RIN3: variants seen among roughly 807,000 people sequenced by gnomAD.
The protein encoded by RIN3 is RAB5 interacting protein 3.
In RIN3, 54 loss-of-function variants were observed where a neutral mutation model predicts 76.3. The ratio of observed to expected loss-of-function variants is 0.71; its 90% CI spans 0.57 to 0.89. The LOEUF (loss-of-function observed/expected upper bound fraction) is 0.89, where lower values mean the gene tolerates loss of function less well. Ranked by LOEUF, RIN3 falls within the 40% of genes least tolerant of loss-of-function variation. The pLI, the probability that RIN3 is intolerant of heterozygous loss-of-function variation, is 0.00. For synonymous variants in RIN3, 576 were observed against 564.0 expected, an observed-to-expected ratio of 1.02 and a Z score of -0.30; for missense variants, 1,256 against 1,322.1, an observed-to-expected ratio of 0.95 and a Z score of 0.78.
At chr14:92,614,844 C>CTTT (rs71301939) in intron 3 of RIN3, among the ~76,000 whole-genome samples, 22 of 118,196 alleles carry the variant, frequency 1.9e-4, no homozygotes, top group African/African-American at 6.1e-4. Flanking sequence ...TCTGGTATGT[C>CTTT]TTTTTTTTTT....
intron 6 of RIN3, among the ~76,000 whole-genome samples, chr14:92,655,605 C>T (rs1887639944): frequency 6.6e-6 from 1 of 152,232 alleles, no homozygotes; most frequent in Admixed American, 6.5e-5. Context: ...GCCGTCACAC[C>T]TAGTGGGAGC....
intron 7 of RIN3, among the ~76,000 whole-genome samples, chr14:92,663,949 A>G (rs955071778): frequency 2.6e-5 from 4 of 152,156 alleles, no homozygotes; most frequent in African/African-American, 9.7e-5. Context: ...CACTCTTTAA[A>G]TGGGGCTAGG....
rs1897021539 is a variant in RIN3, at chr14:92,537,261, C to G, written c.45-18490C>G. ...GTTGTTTCATATGGTACTAATATTT[C>G]CTACATTGCTTTTGTCCTTCAGCCA... On this transcript the variant is annotated intron_variant, in intron 1 of 9. Transcript: ENST00000216487. Among the ~76,000 whole-genome samples, 2 of 152,092 alleles carry G rather than the reference C, an allele frequency of 1.3e-5. 1 individual carries two copies. The highest frequency in any genetic ancestry group is 4.1e-4 in the South Asian group (2 of 4,822).
In RIN3 at chr14:92,685,272, G is replaced by A; in HGVS notation, c.2631+122G>A. The A allele has an allele frequency of 9.4e-7, 1 of 1,068,270 alleles. No homozygotes were observed. The highest frequency in any genetic ancestry group is 1.3e-6 in the Non-Finnish European group (1 of 755,850). 66.2% of individuals were successfully genotyped at this position (1,068,270 alleles called of 1,614,324 possible). ...CCAGCCGCCCAGCCCTGCCTTAGGG[G>A]AGCAGTGAGACTCCCCACACCAGAG... On this transcript the variant is annotated intron_variant, in intron 9 of 9. Coordinates refer to ENST00000216487, the MANE Select transcript of RIN3 (RefSeq NM_024832.5). The surrounding 1 kb of genome is among the most constrained non-coding windows in gnomAD (Gnocchi z 4.7).
intron 3 of RIN3, chr14:92,586,466 C>T (rs1471413011): frequency 6.6e-6 from 1 of 152,138 alleles, no homozygotes; most frequent in Non-Finnish European, 1.5e-5. Context: ...TTTCAGCCTC[C>T]AACACTGGAG....
Position 92,688,186 on chromosome 14 carries a change from C to A in RIN3, c.2892C>A (p.Asp964Glu). 1 of 1,541,428 alleles carries A rather than the reference C, an allele frequency of 6.5e-7. No individual in the cohort carries two copies. The highest frequency in any genetic ancestry group is 1.9e-5 in the African/African-American group (1 of 51,372). ...RDFHFVYRPL[D>E]GGGGGGGGSP... ...TCCACTTTGTCTACCGGCCCCTGGA[C>A]GGTGGTGGCGGCGGCGGCGGCGGGA... Residue 964 changes from aspartate to glutamate, a missense_variant, in exon 10 of 10, where the codon GAC (aspartate) becomes GAA (glutamate). By Grantham distance (45) the Asp-to-Glu change is conservative. Coordinates refer to ENST00000216487, the MANE Select transcript of RIN3 (RefSeq NM_024832.5).
intron 1 of RIN3, among the ~76,000 whole-genome samples, chr14:92,551,657 G>A (rs957037948): frequency 1.3e-5 from 2 of 152,174 alleles, no homozygotes; most frequent in African/African-American, 2.4e-5. Context: ...TGGTTGTGCC[G>A]TGGTATCGCA....
At chr14:92,625,338 G>A (rs1357963747) in intron 4 of RIN3, among the ~76,000 whole-genome samples, 1 of 152,114 alleles carries the variant, frequency 6.6e-6, no homozygotes, top group Non-Finnish European at 1.5e-5. Context: ...TGGATGCCAG[G>A]GGTCATGATA....
rs542647880 is a variant in RIN3 at position 92,553,987 on chromosome 14, C to T, written c.45-1764C>T. On this transcript the variant is annotated intron_variant, in intron 1 of 9. Coordinates refer to ENST00000216487, the MANE Select transcript of RIN3 (RefSeq NM_024832.5). ...CCTGCCTTCCCCAAGGGGCTCCTTA[C>T]AGCACATGCCCTGGATGCTTCTGGA... Among the ~76,000 whole-genome samples, 7 of 152,258 alleles carry T rather than the reference C, an allele frequency of 4.6e-5. No individual in the cohort carries two copies. In the East Asian group the frequency reaches 5.8e-4, roughly 13 times the overall value.
At chr14:92,632,924 G>A (rs189945415) in intron 4 of RIN3, among the ~76,000 whole-genome samples, 45 of 152,352 alleles carry the variant, frequency 3.0e-4, no homozygotes, top group African/African-American at 6.7e-4. Flanking sequence ...CTTGAACGCC[G>A]TGCCTAGGGA....
chr14:92,661,123 G>C (rs969831756), intron 7 of RIN3, among the ~76,000 whole-genome samples: 1 of 152,248 alleles, frequency 6.6e-6, no homozygotes, highest in Non-Finnish European at 1.5e-5. Flanking sequence ...TAATGGTTCA[G>C]AAGCCATACT....
intron 4 of RIN3, among the ~76,000 whole-genome samples, chr14:92,625,495 C>T (rs1161002143): frequency 2.6e-5 from 4 of 152,102 alleles, no homozygotes; most frequent in Admixed American, 1.3e-4. Context: ...TTAGCTGTTG[C>T]GGGGAGGGGA....
intron 2 of RIN3, among the ~76,000 whole-genome samples, chr14:92,571,904 C>A (rs1355008818): frequency 6.6e-6 from 1 of 152,168 alleles, no homozygotes; most frequent in African/African-American, 2.4e-5. Flanking sequence ...CAGGGGGAGT[C>A]CAGATGGGTC....
chr14:92,556,338 T>TA (rs142920317), intron 2 of RIN3, among the ~76,000 whole-genome samples: 18,547 of 148,678 alleles, frequency 0.12, 1,276 homozygotes, highest in African/African-American at 0.19. Context: ...AGAGCCAGGG[T>TA]AAAAAAAAAA....
At chr14:92,560,483 C>T (rs1897732198) in intron 2 of RIN3, among the ~76,000 whole-genome samples, 1 of 152,080 alleles carries the variant, frequency 6.6e-6, no homozygotes, top group African/African-American at 2.4e-5. Flanking sequence ...CAGCTTTTAC[C>T]CAGAGTTGCT....
intron 6 of RIN3, among the ~76,000 whole-genome samples, chr14:92,654,098 G>A (rs546719842): frequency 1.1e-4 from 17 of 152,076 alleles, no homozygotes; most frequent in Non-Finnish European, 8.8e-5. Context: ...GGGATCACTT[G>A]AGGTCAAGAG....
rs1184612499 is a variant in RIN3, at chr14:92,681,419, A to G, written c.2468-3568A>G. On this transcript the variant is annotated intron_variant, in intron 8 of 9. Transcript: ENST00000216487. This position sits in a 1 kb window ranked among gnomAD's most constrained non-coding sequence, Gnocchi z 4.7. ...CCCCAGAGCACCTCCCTGAGGCCTCATAGCCACCATGCGTTATTCACACAT... is the reference window on the plus strand; with the variant it reads ...CCCCAGAGCACCTCCCTGAGGCCTCGTAGCCACCATGCGTTATTCACACAT... Among the ~76,000 whole-genome samples the G allele has an allele frequency of 1.3e-5, 2 of 152,222 alleles. No individual in the cohort carries two copies. Among genetic ancestry groups the G allele is most frequent in the East Asian group, 3.8e-4 (2 of 5,206 alleles).
In RIN3 at chr14:92,652,752, A is replaced by G. The variant is rs747433546; in HGVS notation, c.1703A>G (p.Lys568Arg). The change falls in exon 6 of 10, where the codon AAG (lysine) becomes AGG (arginine). Residue 568 changes from lysine (K) to arginine (R), a missense_variant. Around this residue, in one of 3 missense-constraint regions of RIN3, gnomAD observed 428 missense variants for 521.2 expected, o/e 0.82. Transcript: ENST00000216487. The surrounding 1 kb of genome is among the most constrained non-coding windows in gnomAD (Gnocchi z 6.4). Reference protein sequence around the residue: ...ELEQFSSPSVKKKPSMILGKA... With the variant: ...ELEQFSSPSVRKKPSMILGKA... ...GAGCAGTTCAGCAGCCCCAGCGTGA[A>G]GAAGAAGCCCTCCATGATCCTGGGC... is the stretch of plus-strand genomic sequence containing the variant. The G allele has an allele frequency of 1.2e-6, 2 of 1,613,920 alleles. No homozygotes were observed. Among genetic ancestry groups the G allele is most frequent in the Non-Finnish European group, 1.7e-6 (2 of 1,180,026 alleles).
In RIN3 at chr14:92,651,661, C is replaced by G. The variant is rs1365625348; in HGVS notation, c.612C>G (p.Phe204Leu). The stretch of plus-strand genomic sequence containing the variant: ...CCCCAAGAGACCGGGCCCCCGGATT[C>G]CCCCTAGTCTCCAGCCTCAGGCCCA... ...AEPPRDRAPGFPLVSSLRPTA... is the reference protein window; with the variant it reads ...AEPPRDRAPGLPLVSSLRPTA... Residue 204 changes from phenylalanine (F) to leucine (L), a missense_variant, in exon 6 of 10, where the codon TTC becomes TTG. This residue lies in a region of RIN3 where 610 missense variants were observed against 626.4 expected (regional missense o/e 0.97). Coordinates refer to ENST00000216487, the MANE Select transcript of RIN3 (RefSeq NM_024832.5). 1 of 1,613,874 alleles carries G rather than the reference C, an allele frequency of 6.2e-7. No homozygotes were observed. Among genetic ancestry groups the G allele is most frequent in the Non-Finnish European group, 8.5e-7 (1 of 1,179,856 alleles).
Sources: gnomAD v4.1 joint callset for allele counts (sites outside exome capture counted in the v4.1 genomes callset) on GRCh38, gnomAD v4.1.1 for gene constraint, gnomAD v4.1.1 regional missense constraint, Gnocchi (gnomAD v3.1) non-coding constraint, MANE v1.5 for transcripts, NCBI Gene and HGNC (gene_info 2026-07-23, HGNC 2026-07-21) for gene names.